HTR1D: variants seen among roughly 807,000 people sequenced by gnomAD.
HTR1D encodes the protein 5-hydroxytryptamine receptor 1D.
In HTR1D, 18 loss-of-function variants were observed where a neutral mutation model predicts 21.1. The ratio of observed to expected loss-of-function variants is 0.85; its 90% CI spans 0.59 to 1.27. The LOEUF is 1.27. HTR1D is among the 50% of genes most tolerant of loss of function. The pLI is 0.00. For missense variants in HTR1D, 456 were observed against 481.4 expected, an observed-to-expected ratio of 0.95 and a Z score of 0.49; for synonymous variants, 196 against 204.4, an observed-to-expected ratio of 0.96 and a Z score of 0.35.
At position 23,192,342 on chromosome 1, in the gene HTR1D, A is replaced by C. The variant is rs1258723511; in HGVS notation, c.*744T>G. ...CCAATCAAGGTGCCACACAGAATGG[A>C]GACCCATCCTGGCTCCAAATTCTCT... On this transcript the variant is annotated 3_prime_UTR_variant, in exon 2 of 2. Coordinates refer to ENST00000374619, the MANE Select transcript of HTR1D (RefSeq NM_000864.5). The C allele has an allele frequency of 6.6e-6, 1 of 152,642 alleles. No homozygotes were observed. The highest frequency in any genetic ancestry group is 1.5e-5 in the Non-Finnish European group (1 of 68,042). The allele number at this position is 152,642 out of a possible 1,614,324, so 9.5% of individuals were successfully genotyped here.
rs371581659 is a variant in HTR1D at position 23,202,073 on chromosome 1, T to TTTGTTG, written c.-782-7078_-782-7073dup. ...ATTTTTGTTTTATTTTTCGTGGTTT[T>TTTGTTG]TTGTTGTTGTTGTTGTTGTTTTGTT... On this transcript the variant is annotated intron_variant, in intron 1 of 1. Transcript: ENST00000374619. 7.2e-5 allele frequency among the ~76,000 whole-genome samples: 11 copies of TTTGTTG among 151,982 alleles called. No homozygotes were observed. In the East Asian group the frequency reaches 1.4e-3, roughly 19 times the overall value.
intron 1 of HTR1D, among the ~76,000 whole-genome samples, chr1:23,207,374 A>G (rs979894419): frequency 2.6e-5 from 4 of 151,876 alleles, no homozygotes; most frequent in Non-Finnish European, 5.9e-5. Context: ...GTGCTACTGC[A>G]CTCCAGCCTC....
chr1:23,214,048 CA>C (rs952972833), intron 1 of HTR1D, among the ~76,000 whole-genome samples: 4 of 152,198 alleles, frequency 2.6e-5, no homozygotes, highest in African/African-American at 7.2e-5. Context: ...GTTCAGAGCA[CA>C]GTAGACTGGC....
rs1319889673 is a variant in HTR1D, at chr1:23,193,494, G to A, written c.726C>T (p.Ala242=). 2.8e-5 allele frequency: 45 copies of A among 1,613,948 alleles called. No individual in the cohort carries two copies. Among genetic ancestry groups the A allele is most frequent in the East Asian group, 4.5e-5 (2 of 44,890 alleles). The change falls in exon 2 of 2, where the codon GCC becomes GCT. Residue 242 remains alanine, a synonymous_variant. Transcript: ENST00000374619. ...ACCCGGCAGAGCCTGTGATGAGGTG[G>A]GCCGTGGTGAAGCGCTTCCCATAGA... ...PSLYGKRFTT[A]HLITGSAGSS...
intron 1 of HTR1D, among the ~76,000 whole-genome samples, chr1:23,195,692 G>A (rs540788798): frequency 7.2e-5 from 11 of 152,220 alleles, no homozygotes; most frequent in African/African-American, 2.4e-4. Flanking sequence ...TGCCTCGGCC[G>A]CCCAAAGTGC....
At chr1:23,207,816 C>T (rs1403327564) in intron 1 of HTR1D, among the ~76,000 whole-genome samples, 2 of 140,764 alleles carry the variant, frequency 1.4e-5, no homozygotes. Flanking sequence ...GACTGGAGTA[C>T]AGTGGTGCGA....
At chr1:23,211,856 G>T (rs1424691538) in intron 1 of HTR1D, among the ~76,000 whole-genome samples, 1 of 151,760 alleles carries the variant, frequency 6.6e-6, no homozygotes, top group South Asian at 2.1e-4. Context: ...TAGAGATGGG[G>T]TCTCCCTATG....
chr1:23,195,488 G>C (rs1032566628), intron 1 of HTR1D, among the ~76,000 whole-genome samples: 1 of 151,720 alleles, frequency 6.6e-6, no homozygotes, highest in Non-Finnish European at 1.5e-5. Context: ...TGCCAGGCTA[G>C]AGTGCAGTGA....
At chr1:23,199,215 G>A (rs972721369) in intron 1 of HTR1D, among the ~76,000 whole-genome samples, 30 of 152,096 alleles carry the variant, frequency 2.0e-4, no homozygotes, top group African/African-American at 7.2e-4. Context: ...CTGGGCTTAA[G>A]TGATCCTCCC....
chr1:23,193,325 C>T lies in HTR1D; in HGVS notation c.895G>A (p.Ala299Thr). ...KRISAARERKATKILGIILGA... is the reference protein window; with the variant it reads ...KRISAARERKTTKILGIILGA... ...AGAATGATGCCCAGGATTTTAGTGG[C>T]TTTCCTTTCTCGAGCAGCAGAAATC... Residue 299 changes from alanine to threonine, a missense_variant, in exon 2 of 2, where the codon GCC becomes ACC. By Grantham distance (58) the Ala-to-Thr change is moderately conservative. Transcript: ENST00000374619. 1 of 1,614,180 alleles carries T rather than the reference C, an allele frequency of 6.2e-7. No homozygotes were observed. The highest frequency in any genetic ancestry group is 2.2e-5 in the East Asian group (1 of 44,878).
chr1:23,211,881 C>T (rs950425087), intron 1 of HTR1D, among the ~76,000 whole-genome samples: 6 of 152,038 alleles, frequency 3.9e-5, no homozygotes, highest in Admixed American at 6.6e-5. Flanking sequence ...CCAGGCTGAT[C>T]TTGAACTCCT....
chr1:23,196,070 G>A (rs1314765663), intron 1 of HTR1D, among the ~76,000 whole-genome samples: 1 of 151,620 alleles, frequency 6.6e-6, no homozygotes, highest in African/African-American at 2.4e-5. Flanking sequence ...CAAACTCCTG[G>A]ACTTAAGCGA....
At position 23,192,831 on chromosome 1, in the gene HTR1D, G is replaced by A. The variant is rs540310699; in HGVS notation, c.*255C>T. 10 of 228,730 alleles carry A rather than the reference G, an allele frequency of 4.4e-5. No homozygotes were observed. The highest frequency in any genetic ancestry group is 1.4e-4 in the Admixed American group (2 of 14,294). 14.2% of individuals were successfully genotyped at this position (228,730 alleles called of 1,614,324 possible). On this transcript the variant is annotated 3_prime_UTR_variant, in exon 2 of 2. Coordinates refer to ENST00000374619, the MANE Select transcript of HTR1D (RefSeq NM_000864.5). Reference sequence around the variant, plus strand: ...CAGCCTGGCGAGAGGGCAAGACTCCGTCTCAAAAAAAAAAAAAAAGAAAGA... The same window carrying A: ...CAGCCTGGCGAGAGGGCAAGACTCCATCTCAAAAAAAAAAAAAAAGAAAGA...
Position 23,193,322 on chromosome 1 carries a change from T to A in HTR1D, c.898A>T (p.Thr300Ser). 1 of 1,614,186 alleles carries A rather than the reference T, an allele frequency of 6.2e-7. No homozygotes were observed. Among genetic ancestry groups the A allele is most frequent in the Non-Finnish European group, 8.5e-7 (1 of 1,180,038 alleles). ...CCCAGAATGATGCCCAGGATTTTAG[T>A]GGCTTTCCTTTCTCGAGCAGCAGAA... ...RISAARERKA[T>S]KILGIILGAF... Residue 300 changes from threonine (T) to serine (S), a missense_variant, in exon 2 of 2, where the codon ACT becomes TCT. Thr to Ser is a moderately conservative substitution (Grantham distance 58, BLOSUM62 1). Transcript: ENST00000374619.
chr1:23,205,155 C>T lies in HTR1D; in HGVS notation c.-782-10154G>A, dbSNP rs140587251. ...AGTAACTCAGGAATGGAAAACCAAA[C>T]ATTGTATGTTCTCACTGATATGTGG... On this transcript the variant is annotated intron_variant, in intron 1 of 1. Coordinates refer to ENST00000374619, the MANE Select transcript of HTR1D (RefSeq NM_000864.5). Among the ~76,000 whole-genome samples the T allele has an allele frequency of 8.4e-3, 1,265 of 150,858 alleles. 14 individuals carry two copies. Among genetic ancestry groups the T allele is most frequent in the African/African-American group, 0.026 (1,078 of 40,986 alleles).
intron 1 of HTR1D, among the ~76,000 whole-genome samples, chr1:23,197,017 C>A (rs1393035205): frequency 2.0e-5 from 3 of 152,120 alleles, no homozygotes; most frequent in Non-Finnish European, 4.4e-5. Flanking sequence ...AACTTTCTTC[C>A]CTGCAGACAG....
intron 1 of HTR1D, among the ~76,000 whole-genome samples, chr1:23,213,630 A>G (rs1644762638): frequency 6.6e-6 from 1 of 152,164 alleles, no homozygotes; most frequent in African/African-American, 2.4e-5. Context: ...TGGGGCATTC[A>G]TGTCTTAGTT....
At chr1:23,213,573 T>G (rs1052247985) in intron 1 of HTR1D, among the ~76,000 whole-genome samples, 3 of 152,160 alleles carry the variant, frequency 2.0e-5, no homozygotes, top group African/African-American at 7.2e-5. Flanking sequence ...GACCTTTCAC[T>G]CCCCTACACA....
intron 1 of HTR1D, among the ~76,000 whole-genome samples, chr1:23,214,464 C>T (rs145797708): frequency 3.2e-3 from 484 of 152,114 alleles, no homozygotes; most frequent in Middle Eastern, 0.01. Flanking sequence ...AAATACATTT[C>T]TCCAACAGCT....
Sources: gnomAD v4.1 joint callset for allele counts (sites outside exome capture counted in the v4.1 genomes callset) on GRCh38, gnomAD v4.1.1 for gene constraint, MANE v1.5 for transcripts, NCBI Gene and HGNC (gene_info 2026-07-23, HGNC 2026-07-21) for gene names.